NFKB1: variants seen among roughly 807,000 people sequenced by gnomAD.
NFKB1 encodes the protein nuclear factor NF-kappa-B p105 subunit.
Under a neutral mutation model 105.1 loss-of-function variants are expected in NFKB1, and 9 were observed. The observed-to-expected ratio is 0.09, with a 90% CI of 0.05 to 0.15. The LOEUF (loss-of-function observed/expected upper bound fraction) is 0.15. Among genes scored for constraint, NFKB1 ranks in the 10% least tolerant of loss-of-function variants. The probability of loss-of-function intolerance (pLI) is 1.00; values close to 1 mark genes in which losing one functional copy is unlikely to be tolerated. For missense variants in NFKB1, 830 were observed against 1,203.7 expected (o/e 0.69, Z 4.59); for synonymous variants, 440 against 442.2 (o/e 1.00, Z 0.06).
At chr4:102,569,618 A>G (rs1724157672) in intron 6 of NFKB1, among the ~76,000 whole-genome samples, 1 of 152,182 alleles carries the variant, frequency 6.6e-6, no homozygotes, top group African/African-American at 2.4e-5. Context: ...CAAGCAAGAC[A>G]CTAATCCAAC....
intron 5 of NFKB1, among the ~76,000 whole-genome samples, chr4:102,566,736 T>C (rs1006912175): frequency 6.6e-6 from 1 of 152,174 alleles, no homozygotes; most frequent in Non-Finnish European, 1.5e-5. Context: ...ACAATACATA[T>C]TGTGTTTTAA....
At position 102,529,927 on chromosome 4, in the gene NFKB1, A is replaced by G. The variant is rs1741177867; in HGVS notation, c.118+13A>G. On this transcript the variant is annotated intron_variant, in intron 3 of 23. Transcript: ENST00000226574. ...GCACTGCCAACAGGTAAGAAAACTC[A>G]TCCCTGTTACCCTGTTGTTCTGCTT... 1 of 1,582,792 alleles carries G rather than the reference A, an allele frequency of 6.3e-7. No homozygotes were observed. The highest frequency in any genetic ancestry group is 1.1e-5 in the South Asian group (1 of 89,620).
intron 1 of NFKB1, among the ~76,000 whole-genome samples, chr4:102,510,257 G>A (rs144108360): frequency 2.0e-3 from 303 of 152,312 alleles, no homozygotes; most frequent in African/African-American, 6.8e-3. Flanking sequence ...GAAACATCTT[G>A]AGGGCAAGGA....
chr4:102,589,698 T>C (rs767425220), intron 11 of NFKB1, among the ~76,000 whole-genome samples: 7 of 152,012 alleles, frequency 4.6e-5, no homozygotes, highest in Admixed American at 1.3e-4. Flanking sequence ...AAAACTGACA[T>C]TGAAGAATCA....
At chr4:102,608,311 CA>C (rs1728016854) in intron 19 of NFKB1, among the ~76,000 whole-genome samples, 1 of 152,168 alleles carries the variant, frequency 6.6e-6, no homozygotes, top group Non-Finnish European at 1.5e-5. Flanking sequence ...ATTTAATGCC[CA>C]ATCACCCCTT....
intron 1 of NFKB1, among the ~76,000 whole-genome samples, chr4:102,513,488 A>C (rs1017463185): frequency 2.6e-5 from 4 of 152,236 alleles, no homozygotes; most frequent in African/African-American, 9.6e-5. Context: ...AGCTATGATT[A>C]AGAAGACAAC....
At chr4:102,614,868 C>T (rs185819316) in intron 23 of NFKB1, among the ~76,000 whole-genome samples, 1 of 152,078 alleles carries the variant, frequency 6.6e-6, no homozygotes, top group Non-Finnish European at 1.5e-5. Context: ...ATACTGGCTA[C>T]ATCTGTCAGA....
intron 11 of NFKB1, among the ~76,000 whole-genome samples, chr4:102,585,678 T>C (rs1231605441): frequency 1.3e-5 from 2 of 152,312 alleles, no homozygotes; most frequent in African/African-American, 4.8e-5. Context: ...AAGTGAAGCA[T>C]CCATAAAAAT....
intron 15 of NFKB1, among the ~76,000 whole-genome samples, chr4:102,599,233 A>C (rs971445658): frequency 1.3e-5 from 2 of 152,176 alleles, no homozygotes; most frequent in African/African-American, 4.8e-5. Context: ...TATGTGCATC[A>C]TGTCTATGTC....
At chr4:102,521,160 A>AT (rs1208306399) in intron 1 of NFKB1, among the ~76,000 whole-genome samples, 6 of 152,156 alleles carry the variant, frequency 3.9e-5, no homozygotes, top group African/African-American at 9.7e-5. Flanking sequence ...CCTTGTACTT[A>AT]TTTTTTTACA....
chr4:102,602,339 G>A (rs1007103355), intron 16 of NFKB1, among the ~76,000 whole-genome samples: 2 of 150,832 alleles, frequency 1.3e-5, no homozygotes, highest in Non-Finnish European at 3.0e-5. Context: ...GATCATCCTG[G>A]CTAACATGGT....
intron 1 of NFKB1, 58 bp from the exon 2 acceptor site, chr4:102,525,454 G>A: frequency 6.5e-7 from 1 of 1,539,756 alleles, no homozygotes; most frequent in Non-Finnish European, 8.9e-7. Context: ...CATGGTGATA[G>A]AATTTTTAAA....
rs908781473 is a variant in NFKB1 at position 102,596,756 on chromosome 4, A to C, written c.1495+424A>C. Among the ~76,000 whole-genome samples, 36 of 152,048 alleles carry C rather than the reference A, an allele frequency of 2.4e-4. 1 individual carries two copies. The highest frequency in any genetic ancestry group is 8.7e-4 in the African/African-American group (36 of 41,388). Reference sequence around the variant, plus strand: ...TTTTATCTTGTGCCCTCTTTGAAGAAGTAGGATTAGGAGAAAATGTACTTT... The same window carrying C: ...TTTTATCTTGTGCCCTCTTTGAAGACGTAGGATTAGGAGAAAATGTACTTT... On this transcript the variant is annotated intron_variant, in intron 14 of 23. Coordinates refer to ENST00000226574, the MANE Select transcript of NFKB1 (RefSeq NM_003998.4).
chr4:102,596,079 C>T (rs1195878439), intron 13 of NFKB1, 59 bp from the exon 14 acceptor site: 7 of 1,212,070 alleles, frequency 5.8e-6, no homozygotes, highest in South Asian at 3.9e-5. Flanking sequence ...ATTGGAATAG[C>T]GAATTATCAC....
chr4:102,574,852 A>C (rs534539744), intron 6 of NFKB1, among the ~76,000 whole-genome samples: 1 of 152,204 alleles, frequency 6.6e-6, no homozygotes, highest in East Asian at 1.9e-4. Context: ...CATTATTCAC[A>C]TAATAAATTA....
At chr4:102,610,011 A>G (rs957544297) in intron 19 of NFKB1, among the ~76,000 whole-genome samples, 1 of 152,256 alleles carries the variant, frequency 6.6e-6, no homozygotes, top group Non-Finnish European at 1.5e-5. Context: ...AGAGCAGACT[A>G]CATTTCCCAA....
intron 11 of NFKB1, among the ~76,000 whole-genome samples, chr4:102,591,388 C>A (rs1477735085): frequency 6.8e-6 from 1 of 147,796 alleles, no homozygotes; most frequent in African/African-American, 2.5e-5. Flanking sequence ...CCACTGCACT[C>A]CAGCCTGGGC....
At chr4:102,611,353 G>GAGACTC (rs1553938419) in intron 20 of NFKB1, among the ~76,000 whole-genome samples, 11 of 152,080 alleles carry the variant, frequency 7.2e-5, no homozygotes. Flanking sequence ...ACTGACGTTA[G>GAGACTC]CATGGTTCTC....
rs1728606675 is a variant in NFKB1, at chr4:102,613,294, C to G, written c.2593-131C>G. 16 of 898,004 alleles carry G rather than the reference C, an allele frequency of 1.8e-5. No individual in the cohort carries two copies. The South Asian group carries it at 1.9e-4, about 11-fold the overall frequency. The allele number at this position is 898,004 out of a possible 1,614,324, so 55.6% of individuals were successfully genotyped here. On this transcript the variant is annotated intron_variant, in intron 22 of 23. Transcript: ENST00000226574. The stretch of plus-strand genomic sequence containing the variant: ...TATTTTCTTAGTCGCTCTTCTCTGC[C>G]CTTTCCATTTCCTCCTGGCTCCTGA...
Sources: gnomAD v4.1 joint callset for allele counts (sites outside exome capture counted in the v4.1 genomes callset) on GRCh38, gnomAD v4.1.1 for gene constraint, MANE v1.5 for transcripts, NCBI Gene and HGNC (gene_info 2026-07-23, HGNC 2026-07-21) for gene names.